The following TFDP2 variants were observed in gnomAD, a reference collection of about 807,000 sequenced individuals.
The protein encoded by TFDP2 is transcription factor Dp-2 (E2F dimerization partner 2).
Under a neutral mutation model 59.3 loss-of-function variants are expected in TFDP2, and 17 were observed. The ratio of observed to expected loss-of-function variants is 0.29; its 90% CI spans 0.20 to 0.43. The LOEUF (loss-of-function observed/expected upper bound fraction) is 0.43. Ranked by LOEUF, TFDP2 falls within the 20% of genes least tolerant of loss-of-function variation. The pLI is 1.00. For missense variants in TFDP2, 391 were observed against 528.8 expected (o/e 0.74, Z 2.56); for synonymous variants, 180 against 194.7 (o/e 0.92, Z 0.63).
chr3:142,011,964 C>T (rs931320743), intron 3 of TFDP2, among the ~76,000 whole-genome samples: 2 of 151,494 alleles, frequency 1.3e-5, no homozygotes, highest in African/African-American at 4.8e-5. Context: ...ATACAAAATT[C>T]TACATAAATG....
intron 3 of TFDP2, among the ~76,000 whole-genome samples, chr3:142,047,012 C>T (rs116245281): frequency 0.01 from 1,574 of 152,202 alleles, 33 homozygotes; most frequent in African/African-American, 0.036. Flanking sequence ...CAGCCTTCAG[C>T]CACACTACAA....
intron 1 of TFDP2, among the ~76,000 whole-genome samples, chr3:142,105,472 G>GT (rs935374583): frequency 1.3e-5 from 2 of 152,060 alleles, no homozygotes; most frequent in Admixed American, 6.6e-5. Context: ...CACCCTTTGT[G>GT]TTTTTTTGTG....
At position 142,014,467 on chromosome 3, in the gene TFDP2, A is replaced by G. The variant is rs556883507; in HGVS notation, c.83-8923T>C. 1.6e-4 allele frequency among the ~76,000 whole-genome samples: 24 copies of G among 152,194 alleles called. 1 individual carries two copies. Among genetic ancestry groups the G allele is most frequent in the Admixed American group, 5.9e-4 (9 of 15,278 alleles). On this transcript the variant is annotated intron_variant, in intron 3 of 12. Coordinates refer to ENST00000489671, the MANE Select transcript of TFDP2 (RefSeq NM_001178139.2). ...GCATAAATAAGTTAAAATGACCTAGACTGTGGTGGTGTATGTGTTTGCTGA... is the reference window on the plus strand; with the variant it reads ...GCATAAATAAGTTAAAATGACCTAGGCTGTGGTGGTGTATGTGTTTGCTGA...
chr3:141,984,069 C>A (rs1471969485), intron 6 of TFDP2, among the ~76,000 whole-genome samples: 6 of 133,138 alleles, frequency 4.5e-5, no homozygotes, highest in African/African-American at 1.8e-4. Flanking sequence ...CAACTGCCCA[C>A]CAATGAATGG....
Position 142,100,803 on chromosome 3 carries a change from CAG to C in TFDP2, c.15+930_15+931del, listed in dbSNP as rs2061296434. On this transcript the variant is annotated intron_variant, in intron 2 of 12. Coordinates refer to ENST00000489671, the MANE Select transcript of TFDP2 (RefSeq NM_001178139.2). ...GAGAAAGATGATTTGGACAGACAGACAGAGGGAGAAATGAAGCAGGTACACAG... is the reference window on the plus strand; with the variant it reads ...GAGAAAGATGATTTGGACAGACAGACAGGGAGAAATGAAGCAGGTACACAG... Among the ~76,000 whole-genome samples the C allele has an allele frequency of 4.6e-5, 7 of 152,230 alleles. No homozygotes were observed. The South Asian group carries it at 1.5e-3, about 32-fold the overall frequency.
At chr3:141,963,130 T>C (rs1212813274) in intron 10 of TFDP2, among the ~76,000 whole-genome samples, 1 of 150,642 alleles carries the variant, frequency 6.6e-6, no homozygotes, top group Non-Finnish European at 1.5e-5. Context: ...ACCCTATATA[T>C]ACTCTTAACT....
In TFDP2 at chr3:142,121,380, C is replaced by T. The variant is rs754155580; in HGVS notation, c.-92-19539G>A. Among the ~76,000 whole-genome samples, 6 of 152,052 alleles carry T rather than the reference C, an allele frequency of 3.9e-5. No individual in the cohort carries two copies. Among genetic ancestry groups the T allele is most frequent in the Non-Finnish European group, 5.9e-5 (4 of 68,014 alleles). On this transcript the variant is annotated intron_variant, in intron 1 of 12. Transcript: ENST00000489671. This position sits in a 1 kb window ranked among gnomAD's most constrained non-coding sequence, Gnocchi z 4.3. Reference sequence around the variant, plus strand: ...AATACTACGACACTAGACAGATATTCGGGGCACTATGGAAGCACAAAGGAA... The same window carrying T: ...AATACTACGACACTAGACAGATATTTGGGGCACTATGGAAGCACAAAGGAA...
At position 141,959,775 on chromosome 3, in the gene TFDP2, C is replaced by T. The variant is rs1346513680; in HGVS notation, c.950G>A (p.Arg317Gln). The change falls in exon 11 of 13, where the codon CGG becomes CAG. Residue 317 changes from arginine to glutamine, a missense_variant. Physicochemically the swap from Arg to Gln is conservative, Grantham distance 43. Coordinates refer to ENST00000489671, the MANE Select transcript of TFDP2 (RefSeq NM_001178139.2). The stretch of plus-strand genomic sequence containing the variant: ...CTCCAGGCCAAACGACATTCCCATC[C>T]GCTTTAGTACTTCTATGTCATCATG... ...EIHDDIEVLK[R>Q]MGMSFGLESG... 11 of 1,614,024 alleles carry T rather than the reference C, an allele frequency of 6.8e-6. No homozygotes were observed. Among genetic ancestry groups the T allele is most frequent in the East Asian group, 4.5e-5 (2 of 44,888 alleles).
intron 6 of TFDP2, among the ~76,000 whole-genome samples, chr3:141,993,199 C>A (rs1403000052): frequency 5.1e-4 from 73 of 144,088 alleles, no homozygotes; most frequent in African/African-American, 1.2e-3. Context: ...GACTTCATCT[C>A]AAAAAAAAGA....
chr3:141,994,857 T>A, intron 5 of TFDP2, 163 bp downstream of exon 5: 2 of 530,460 alleles, frequency 3.8e-6, no homozygotes, highest in Non-Finnish European at 6.3e-6. Flanking sequence ...TTCCAGAGAT[T>A]ATTTATATCT....
intron 3 of TFDP2, among the ~76,000 whole-genome samples, chr3:142,025,550 T>C (rs1465339697): frequency 1.3e-5 from 2 of 152,254 alleles, no homozygotes; most frequent in Non-Finnish European, 2.9e-5. Context: ...GTCACAGTTA[T>C]GTATTACATG....
At chr3:142,070,650 T>C (rs2060216897) in intron 3 of TFDP2, among the ~76,000 whole-genome samples, 1 of 152,216 alleles carries the variant, frequency 6.6e-6, no homozygotes, top group Non-Finnish European at 1.5e-5. Context: ...GTAAGAACTG[T>C]TAATATTTCC....
intron 6 of TFDP2, among the ~76,000 whole-genome samples, chr3:141,980,485 C>T (rs999842629): frequency 6.6e-6 from 1 of 151,916 alleles, no homozygotes; most frequent in Non-Finnish European, 1.5e-5. Context: ...CTACCAAATA[C>T]TAGATATTAT....
chr3:142,030,932 C>T (rs1301957259), intron 3 of TFDP2, among the ~76,000 whole-genome samples: 1 of 150,776 alleles, frequency 6.6e-6, no homozygotes, highest in African/African-American at 2.4e-5. Flanking sequence ...TTAGTAGAGA[C>T]AGGGTTTCAC....
At chr3:142,019,053 A>ATTTTT (rs62999460) in intron 3 of TFDP2, among the ~76,000 whole-genome samples, 5 of 140,306 alleles carry the variant, frequency 3.6e-5, no homozygotes, top group Non-Finnish European at 3.1e-5. Flanking sequence ...TTCTTCGCAC[A>ATTTTT]TTTTTTTTTT....
At chr3:142,019,966 G>A (rs146352876) in intron 3 of TFDP2, among the ~76,000 whole-genome samples, 92 of 152,290 alleles carry the variant, frequency 6.0e-4, no homozygotes, top group African/African-American at 1.8e-3. Flanking sequence ...TAGTGTCAGA[G>A]CATTTCCTTC....
Position 142,052,259 on chromosome 3 carries a change from C to T in TFDP2, c.82+40802G>A, listed in dbSNP as rs549174814. On this transcript the variant is annotated intron_variant, in intron 3 of 12. Coordinates refer to ENST00000489671, the MANE Select transcript of TFDP2 (RefSeq NM_001178139.2). Reference sequence around the variant, plus strand: ...TGTACGAGAAAACCTTAGTATTGGCCGTGCGCGGTGGCTCACGCCTATAAT... The same window carrying T: ...TGTACGAGAAAACCTTAGTATTGGCTGTGCGCGGTGGCTCACGCCTATAAT... Among the ~76,000 whole-genome samples the T allele has an allele frequency of 3.0e-4, 46 of 152,004 alleles. No individual in the cohort carries two copies. In the South Asian group the frequency reaches 8.1e-3, roughly 27 times the overall value.
chr3:142,132,522 G>T (rs1344071869), intron 1 of TFDP2, among the ~76,000 whole-genome samples: 1 of 149,702 alleles, frequency 6.7e-6, no homozygotes, highest in East Asian at 1.9e-4. Context: ...GAGGTGGGCA[G>T]ATCACGAGGT....
chr3:142,079,371 C>CA (rs1299545467), intron 3 of TFDP2, among the ~76,000 whole-genome samples: 3 of 152,024 alleles, frequency 2.0e-5, no homozygotes, highest in Non-Finnish European at 4.4e-5. Flanking sequence ...GAATGAAGCA[C>CA]ACCTACAAGA....
Sources: gnomAD v4.1 joint callset for allele counts (sites outside exome capture counted in the v4.1 genomes callset) on GRCh38, gnomAD v4.1.1 for gene constraint, Gnocchi (gnomAD v3.1) non-coding constraint, MANE v1.5 for transcripts, NCBI Gene and HGNC (gene_info 2026-07-23, HGNC 2026-07-21) for gene names.